Variants in NTS observed in about 807,000 individuals in gnomAD.
NTS encodes the protein neurotensin, also known as neurotensin/neuromedin N.
Under a neutral mutation model 19.5 loss-of-function variants are expected in NTS, and 20 were observed. The observed-to-expected ratio is 1.02, with a 90% CI of 0.72 to 1.49. The LOEUF is 1.49. Ranked by LOEUF, NTS falls within the 40% of genes most tolerant of loss-of-function variation. The pLI is 0.00. For synonymous variants in NTS, 71 were observed against 63.3 expected (o/e 1.12, Z -0.58); for missense variants, 215 against 193.1 (o/e 1.11, Z -0.67).
chr12:85,877,568 T>C (rs1332074845), intron 2 of NTS, among the ~76,000 whole-genome samples: 2 of 151,998 alleles, frequency 1.3e-5, no homozygotes, highest in African/African-American at 4.8e-5. Flanking sequence ...GGCAAACATA[T>C]GCCTTGGTGG....
At chr12:85,878,282 G>T in intron 2 of NTS, 63 bp from the exon 3 acceptor site, 1 of 1,162,310 alleles carries the variant, frequency 8.6e-7, no homozygotes, top group Non-Finnish European at 1.2e-6. Flanking sequence ...AGCACACTAG[G>T]AATTCATTTC....
chr12:85,875,345 G>A (rs1881317120), intron 1 of NTS, among the ~76,000 whole-genome samples: 1 of 152,022 alleles, frequency 6.6e-6, no homozygotes, highest in Non-Finnish European at 1.5e-5. Context: ...AAAGGGAAAA[G>A]AACACATTAG....
chr12:85,874,476 G>A lies in NTS; in HGVS notation c.73G>A (p.Asp25Asn), dbSNP rs1174942128. Reference sequence around the variant, plus strand: ...TTTCAGCTCCTGGAGTCTGTGCTCAGGTAAGCAAAACAGAATTTCACAACT... The same window carrying A: ...TTTCAGCTCCTGGAGTCTGTGCTCAAGTAAGCAAAACAGAATTTCACAACT... ...LAFSSWSLCS[D>N]SEEEMKALEA... is the part of the protein sequence containing the mutation. The change falls in exon 1 of 4, where the codon GAT becomes AAT. Residue 25 changes from aspartate to asparagine, a missense_variant and splice_region_variant. By Grantham distance (23) the Asp-to-Asn change is conservative. Transcript: ENST00000256010. The A allele has an allele frequency of 6.2e-7, 1 of 1,609,432 alleles. No individual in the cohort carries two copies. The highest frequency in any genetic ancestry group is 1.3e-5 in the African/African-American group (1 of 74,922).
chr12:85,874,316 C>A lies in NTS; in HGVS notation c.-88C>A. On this transcript the variant is annotated 5_prime_UTR_variant, in exon 1 of 4. Transcript: ENST00000256010. ...TCTCATAGTTCACTCACTTTCAAAGCCAGCTGAAGGAAAGAGGAAGTGCTA... is the reference window on the plus strand; with the variant it reads ...TCTCATAGTTCACTCACTTTCAAAGACAGCTGAAGGAAAGAGGAAGTGCTA... 2.2e-6 allele frequency: 2 copies of A among 896,406 alleles called. No individual in the cohort carries two copies. The highest frequency in any genetic ancestry group is 3.7e-6 in the Non-Finnish European group (2 of 534,748). The allele number at this position is 896,406 out of a possible 1,614,324, so 55.5% of individuals were successfully genotyped here. A position where few individuals can be genotyped will look rare whatever the true frequency, so the allele number is the denominator to read the frequency against.
rs1223961337 is a variant in NTS at position 85,878,672 on chromosome 12, A to T, written c.360+103A>T. 6.2e-6 allele frequency: 4 copies of T among 650,232 alleles called. No homozygotes were observed. In the African/African-American group the frequency reaches 7.5e-5, roughly 12 times the overall value. The allele number at this position is 650,232 out of a possible 1,614,324, so 40.3% of individuals were successfully genotyped here. A position where few individuals can be genotyped will look rare whatever the true frequency, so the allele number is the denominator to read the frequency against. ...AATCATAATCATAACAAGAAGAGTT[A>T]CAAGTATTGAAGAAGAACAAGCCAT... is the stretch of plus-strand genomic sequence containing the variant. On this transcript the variant is annotated intron_variant, in intron 3 of 3. Coordinates refer to ENST00000256010, the MANE Select transcript of NTS (RefSeq NM_006183.5).
At position 85,878,504 on chromosome 12, in the gene NTS, G is replaced by A. The variant is rs1367745289; in HGVS notation, c.295G>A (p.Glu99Lys). 8 of 1,613,716 alleles carry A rather than the reference G, an allele frequency of 5.0e-6. No homozygotes were observed. In the South Asian group the frequency reaches 8.8e-5, roughly 18 times the overall value. ...TACTGCTTTAGATGGCTTTAGCTTG[G>A]AAGCAATGTTGACAATATACCAGCT... ...LPTALDGFSL[E>K]AMLTIYQLHK... The change falls in exon 3 of 4, where the codon GAA becomes AAA. Residue 99 changes from glutamate to lysine, a missense_variant. By Grantham distance (56) the Glu-to-Lys change is moderately conservative. Coordinates refer to ENST00000256010, the MANE Select transcript of NTS (RefSeq NM_006183.5).
At chr12:85,879,525 A>ATGTATATTTTG (rs1184221626) in intron 3 of NTS, among the ~76,000 whole-genome samples, 1 of 115,842 alleles carries the variant, frequency 8.6e-6, no homozygotes, top group African/African-American at 3.3e-5. Context: ...TGTATATTTT[A>ATGTATATTTTG]TGTATATAAA....
chr12:85,879,836 A>T (rs938630650), intron 3 of NTS, among the ~76,000 whole-genome samples: 1 of 142,932 alleles, frequency 7.0e-6, no homozygotes, highest in South Asian at 2.1e-4. Flanking sequence ...TGTATATAAA[A>T]TATATTTTTA....
At chr12:85,876,504 G>A (rs1248922797) in intron 1 of NTS, 136 bp from the exon 2 acceptor site, 8 of 448,602 alleles carry the variant, frequency 1.8e-5, no homozygotes, top group Non-Finnish European at 2.4e-5. Flanking sequence ...TGTTTTTTAG[G>A]ATTACTATTT....
intron 3 of NTS, among the ~76,000 whole-genome samples, chr12:85,879,256 A>AT (rs369316891): frequency 0.38 from 6 of 16 alleles, 1 homozygote; most frequent in Admixed American, 0.5. Flanking sequence ...TATTATACAT[A>AT]ATTTTATGTA....
Position 85,874,312 on chromosome 12 carries a change from A to G in NTS, c.-92A>G. On this transcript the variant is annotated 5_prime_UTR_variant, in exon 1 of 4. Transcript: ENST00000256010. ...CACCTCTCATAGTTCACTCACTTTCAAAGCCAGCTGAAGGAAAGAGGAAGT... is the reference window on the plus strand; with the variant it reads ...CACCTCTCATAGTTCACTCACTTTCGAAGCCAGCTGAAGGAAAGAGGAAGT... 1.5e-5 allele frequency: 13 copies of G among 880,036 alleles called. No homozygotes were observed. In the South Asian group the frequency reaches 1.8e-4, roughly 12 times the overall value. The allele number at this position is 880,036 out of a possible 1,614,324, so 54.5% of individuals were successfully genotyped here.
In NTS at chr12:85,882,637, T is replaced by C; in HGVS notation, c.*262T>C. On this transcript the variant is annotated 3_prime_UTR_variant, in exon 4 of 4. Transcript: ENST00000256010. ...TAATGTTTTGTAATTTTGCAAAACA[T>C]ATCTTGAGTTGTTTAAACAGTCAAA... 1 of 283,078 alleles carries C rather than the reference T, an allele frequency of 3.5e-6. No homozygotes were observed. The highest frequency in any genetic ancestry group is 6.5e-6 in the Non-Finnish European group (1 of 153,684). The allele number at this position is 283,078 out of a possible 1,614,324, so 17.5% of individuals were successfully genotyped here. A position where few individuals can be genotyped will look rare whatever the true frequency, so the allele number is the denominator to read the frequency against.
chr12:85,878,476 T>G lies in NTS; in HGVS notation c.267T>G (p.Leu89=), dbSNP rs753920307. 1.9e-6 allele frequency: 3 copies of G among 1,613,962 alleles called. No individual in the cohort carries two copies. The South Asian group carries it at 3.3e-5, about 18-fold the overall frequency. ...HEEELVARRK[L]PTALDGFSLE... Reference sequence around the variant, plus strand: ...AGGAGCTTGTTGCAAGAAGGAAACTTCCTACTGCTTTAGATGGCTTTAGCT... The same window carrying G: ...AGGAGCTTGTTGCAAGAAGGAAACTGCCTACTGCTTTAGATGGCTTTAGCT... The change falls in exon 3 of 4, where the codon CTT becomes CTG. Residue 89 remains leucine (L), a synonymous_variant. Transcript: ENST00000256010.
chr12:85,877,536 G>A (rs1390180066), intron 2 of NTS, among the ~76,000 whole-genome samples: 3 of 151,780 alleles, frequency 2.0e-5, no homozygotes, highest in Non-Finnish European at 4.4e-5. Context: ...TACATGGGCA[G>A]GATGTGCAGG....
chr12:85,880,494 C>T (rs537010740), intron 3 of NTS, among the ~76,000 whole-genome samples: 117 of 151,994 alleles, frequency 7.7e-4, no homozygotes, highest in Non-Finnish European at 1.6e-3. Flanking sequence ...TTGCGATTGA[C>T]TACCAAAGAG....
intron 1 of NTS, among the ~76,000 whole-genome samples, chr12:85,875,775 T>A (rs1396070966): frequency 1.3e-5 from 2 of 152,018 alleles, no homozygotes; most frequent in African/African-American, 4.8e-5. Flanking sequence ...TAACAAATAG[T>A]GAGAAAAGAT....
At chr12:85,879,974 G>T (rs943475925) in intron 3 of NTS, among the ~76,000 whole-genome samples, 1 of 149,056 alleles carries the variant, frequency 6.7e-6, no homozygotes, top group Non-Finnish European at 1.5e-5. Context: ...ACCATCAAAA[G>T]TAATGGCAAG....
At chr12:85,878,279 T>A in intron 2 of NTS, 66 bp from the exon 3 acceptor site, 1 of 1,143,716 alleles carries the variant, frequency 8.7e-7, no homozygotes, top group South Asian at 1.5e-5. Flanking sequence ...TTTAGCACAC[T>A]AGGAATTCAT....
At chr12:85,881,523 C>G (rs1881502037) in intron 3 of NTS, among the ~76,000 whole-genome samples, 1 of 152,148 alleles carries the variant, frequency 6.6e-6, no homozygotes, top group Non-Finnish European at 1.5e-5. Context: ...GGGCATACTC[C>G]TGCCTCATGA....
Sources: allele counts gnomAD v4.1 joint callset (sites outside exome capture counted in the v4.1 genomes callset), GRCh38; gene constraint gnomAD v4.1.1; transcripts MANE v1.5; gene names NCBI Gene and HGNC (gene_info 2026-07-23, HGNC 2026-07-21).